MOCS1: variants seen among roughly 807,000 people sequenced by gnomAD.
MOCS1 encodes the protein molybdenum cofactor synthesis 1.
A neutral mutation model predicts 57.6 loss-of-function variants in MOCS1; 39 were observed. The observed-to-expected ratio is 0.68, with a 90% CI of 0.52 to 0.88. MOCS1 has a LOEUF of 0.88. Ranked by LOEUF, MOCS1 falls within the 40% of genes least tolerant of loss-of-function variation. The probability of loss-of-function intolerance (pLI) is 0.00; values close to 1 mark genes in which losing one functional copy is unlikely to be tolerated. For synonymous variants in MOCS1, 334 were observed against 335.7 expected (o/e 1.00, Z 0.05); for missense variants, 795 against 831.1 (o/e 0.96, Z 0.53).
At chr6:39,913,900 G>A (rs1767504310) in intron 4 of MOCS1, 65 bp from the exon 5 acceptor site, 6 of 1,499,218 alleles carry the variant, frequency 4.0e-6, no homozygotes, top group Non-Finnish European at 4.6e-6. Context: ...CACCCCCACA[G>A]AAAAGCACCA....
At position 39,917,630 on chromosome 6, in the gene MOCS1, A is replaced by G. The variant is rs77402398; in HGVS notation, c.419-1398T>C. The stretch of plus-strand genomic sequence containing the variant: ...AGTACACCGCCAAGAATCAACAAAC[A>G]TTTAAGGAAGAAGCATGAAAGAAAG... On this transcript the variant is annotated intron_variant, in intron 3 of 10. Transcript: ENST00000340692. 3.7e-3 allele frequency among the ~76,000 whole-genome samples: 559 copies of G among 152,322 alleles called. 1 individual carries two copies. Among genetic ancestry groups the G allele is most frequent in the East Asian group, 0.011 (58 of 5,190 alleles).
At position 39,934,435 on chromosome 6, in the gene MOCS1, G is replaced by A. The variant is rs756751573; in HGVS notation, c.-18C>T. 10 of 1,561,476 alleles carry A rather than the reference G, an allele frequency of 6.4e-6. No individual in the cohort carries two copies. Among genetic ancestry groups the A allele is most frequent in the Non-Finnish European group, 8.6e-6 (10 of 1,160,158 alleles). Reference sequence around the variant, plus strand: ...GCCGCCATGAAGCCTGATACGAGCGGAACCGCAGCCCGCTTCGGGAGCACA... The same window carrying A: ...GCCGCCATGAAGCCTGATACGAGCGAAACCGCAGCCCGCTTCGGGAGCACA... On this transcript the variant is annotated 5_prime_UTR_variant, in exon 1 of 11. Coordinates refer to ENST00000340692, the MANE Select transcript of MOCS1 (RefSeq NM_001358530.2).
At chr6:39,909,135 A>G in intron 9 of MOCS1, 33 bp from the exon 10 acceptor site, 1 of 1,446,766 alleles carries the variant, frequency 6.9e-7, no homozygotes, top group Non-Finnish European at 9.6e-7. Flanking sequence ...AGGGAGAGGA[A>G]AGCAGGGGAG....
At chr6:39,929,665 G>A (rs1002758186) in intron 1 of MOCS1, among the ~76,000 whole-genome samples, 5 of 152,058 alleles carry the variant, frequency 3.3e-5, no homozygotes, top group Non-Finnish European at 7.4e-5. Flanking sequence ...TAGGGGCCGG[G>A]TGTGGTGGTT....
Position 39,910,698 on chromosome 6 carries a change from T to C in MOCS1, c.982-743A>G, listed in dbSNP as rs533816095. Among the ~76,000 whole-genome samples, 7 of 152,194 alleles carry C rather than the reference T, an allele frequency of 4.6e-5. No homozygotes were observed. The East Asian group carries it at 1.4e-3, about 29-fold the overall frequency. On this transcript the variant is annotated intron_variant, in intron 8 of 10. Coordinates refer to ENST00000340692, the MANE Select transcript of MOCS1 (RefSeq NM_001358530.2). ...ACCACTGGAGAAGATACCAGTGAAA[T>C]CTAGGATAGGTCTAACTGCTTCAGC...
rs1412460608 is a variant in MOCS1 at position 39,905,571 on chromosome 6, A to AATCT, written c.*782_*785dup. 4.2e-6 allele frequency: 2 copies of AATCT among 471,192 alleles called. No homozygotes were observed. Among genetic ancestry groups the AATCT allele is most frequent in the Admixed American group, 2.3e-5 (1 of 42,588 alleles). 29.2% of individuals were successfully genotyped at this position (471,192 alleles called of 1,614,324 possible). A position where few individuals can be genotyped will look rare whatever the true frequency, so the allele number is the denominator to read the frequency against. On this transcript the variant is annotated 3_prime_UTR_variant, in exon 11 of 11. Transcript: ENST00000340692. ...ATTTGTGCGCTGTGAGGGTGAAGGC[A>AATCT]ATCTATCATCAACTTTTCTTTCCCT...
intron 3 of MOCS1, among the ~76,000 whole-genome samples, chr6:39,922,629 C>T (rs540192256): frequency 7.9e-5 from 12 of 152,232 alleles, no homozygotes; most frequent in East Asian, 5.8e-4. Context: ...TGTCTGCACA[C>T]GAAGCAGGGT....
chr6:39,909,765 A>T, intron 9 of MOCS1, 70 bp downstream of exon 9: 1 of 1,599,402 alleles, frequency 6.3e-7, no homozygotes. Context: ...TCACCCCACA[A>T]CTCCACACCT....
intron 8 of MOCS1, among the ~76,000 whole-genome samples, chr6:39,911,103 A>T (rs182939965): frequency 6.6e-6 from 1 of 152,148 alleles, no homozygotes; most frequent in African/African-American, 2.4e-5. Flanking sequence ...TGGTTCCCTT[A>T]ATCTTATATG....
At chr6:39,930,902 T>G (rs1768610008) in intron 1 of MOCS1, among the ~76,000 whole-genome samples, 1 of 152,204 alleles carries the variant, frequency 6.6e-6, no homozygotes, top group Non-Finnish European at 1.5e-5. Context: ...GAAATAATAA[T>G]CCAACCTAAC....
chr6:39,922,430 A>C (rs1768022529), intron 3 of MOCS1, among the ~76,000 whole-genome samples: 1 of 152,170 alleles, frequency 6.6e-6, no homozygotes, highest in African/African-American at 2.4e-5. Context: ...TTAGCTCATC[A>C]GCTATCGTTA....
intron 1 of MOCS1, 188 bp from the exon 2 acceptor site, chr6:39,927,643 G>GA: frequency 6.3e-7 from 1 of 1,587,884 alleles, no homozygotes; most frequent in African/African-American, 1.3e-5. Flanking sequence ...AGCTTGATGG[G>GA]AAGGACCCAC....
In MOCS1 at chr6:39,907,083, G is replaced by T; in HGVS notation, c.1185C>A (p.Ala395=). The change falls in exon 11 of 11, where the codon GCC becomes GCA. Residue 395 remains alanine (A), a synonymous_variant. Coordinates refer to ENST00000340692, the MANE Select transcript of MOCS1 (RefSeq NM_001358530.2). ...GGTCCCAGGAGAAAATGCTTGGATT[G>T]GCTGGTGGGGAATTGGGGAACATCA... The part of the protein sequence containing the change: ...LFLMFPNSPP[A]NPSIFSWDPL... The T allele has an allele frequency of 6.2e-7, 1 of 1,613,292 alleles. No individual in the cohort carries two copies.
At chr6:39,925,404 G>A (rs895115812) in intron 3 of MOCS1, among the ~76,000 whole-genome samples, 4 of 152,180 alleles carry the variant, frequency 2.6e-5, no homozygotes, top group Non-Finnish European at 5.9e-5. Flanking sequence ...GCCAGGTCAC[G>A]TGGGCCTCCT....
Position 39,913,264 on chromosome 6 carries a change from A to C in MOCS1, c.757+53T>G. 3 of 1,501,440 alleles carry C rather than the reference A, an allele frequency of 2.0e-6. No homozygotes were observed. In the South Asian group the frequency reaches 3.4e-5, roughly 17 times the overall value. 93.0% of individuals were successfully genotyped at this position (1,501,440 alleles called of 1,614,324 possible). A position where few individuals can be genotyped will look rare whatever the true frequency, so the allele number is the denominator to read the frequency against. Reference sequence around the variant, plus strand: ...CCCAGTGGGTGAGCCACACTATGCGACCTGCAGGCCCAACCCCTTCTTCCC... The same window carrying C: ...CCCAGTGGGTGAGCCACACTATGCGCCCTGCAGGCCCAACCCCTTCTTCCC... On this transcript the variant is annotated intron_variant, in intron 6 of 10. Transcript: ENST00000340692.
Position 39,904,214 on chromosome 6 carries a change from T to C in MOCS1, c.*2143A>G, listed in dbSNP as rs1449816083. On this transcript the variant is annotated 3_prime_UTR_variant, in exon 11 of 11. Coordinates refer to ENST00000340692, the MANE Select transcript of MOCS1 (RefSeq NM_001358530.2). ...TCAGAAAAGCAGAATTTGGTTCAAC[T>C]GTTGACAGAGGACACAAATACGTTG... 8.8e-6 allele frequency: 4 copies of C among 456,646 alleles called. No individual in the cohort carries two copies. Among genetic ancestry groups the C allele is most frequent in the Non-Finnish European group, 1.8e-5 (4 of 226,986 alleles). The allele number at this position is 456,646 out of a possible 1,614,324, so 28.3% of individuals were successfully genotyped here.
In MOCS1 at chr6:39,905,793, A is replaced by AGACT; in HGVS notation, c.*560_*563dup. 1 of 471,076 alleles carries AGACT rather than the reference A, an allele frequency of 2.1e-6. No individual in the cohort carries two copies. Among genetic ancestry groups the AGACT allele is most frequent in the South Asian group, 1.5e-5 (1 of 64,560 alleles). 29.2% of individuals were successfully genotyped at this position (471,076 alleles called of 1,614,324 possible). On this transcript the variant is annotated 3_prime_UTR_variant, in exon 11 of 11. Coordinates refer to ENST00000340692, the MANE Select transcript of MOCS1 (RefSeq NM_001358530.2). Reference sequence around the variant, plus strand: ...AAAGGCTGCAAGTCTGATGGGACACAGACTTGGGCAGAAGGAGAGATGAAG... The same window carrying AGACT: ...AAAGGCTGCAAGTCTGATGGGACACAGACTGACTTGGGCAGAAGGAGAGATGAAG...
At chr6:39,922,992 A>G (rs1033908123) in intron 3 of MOCS1, among the ~76,000 whole-genome samples, 1 of 152,170 alleles carries the variant, frequency 6.6e-6, no homozygotes, top group Non-Finnish European at 1.5e-5. Flanking sequence ...TCCTCTGGGG[A>G]AGATCAGAGG....
At position 39,927,202 on chromosome 6, in the gene MOCS1, G is replaced by T. The variant is rs58321799; in HGVS notation, c.250+127C>A. 118 of 1,220,812 alleles carry T rather than the reference G, an allele frequency of 9.7e-5. 1 individual carries two copies. The African/African-American group carries it at 1.4e-3, about 15-fold the overall frequency. 75.6% of individuals were successfully genotyped at this position (1,220,812 alleles called of 1,614,324 possible). On this transcript the variant is annotated intron_variant, in intron 2 of 10. Coordinates refer to ENST00000340692, the MANE Select transcript of MOCS1 (RefSeq NM_001358530.2). The stretch of plus-strand genomic sequence containing the variant: ...AGCCCACCTGGCCTGGTAAGCAAGG[G>T]GTAGCAGGTGAAGAAGTTAGAAAGC...
Sources: gnomAD v4.1 joint callset for allele counts (sites outside exome capture counted in the v4.1 genomes callset) on GRCh38, gnomAD v4.1.1 for gene constraint, MANE v1.5 for transcripts, NCBI Gene and HGNC (gene_info 2026-07-23, HGNC 2026-07-21) for gene names.